MAGI1: variants seen among roughly 807,000 people sequenced by gnomAD.
MAGI1 encodes membrane-associated guanylate kinase, WW and PDZ domain-containing protein 1.
In MAGI1, 58 loss-of-function variants were observed where a neutral mutation model predicts 139.9. That is an observed-to-expected ratio of 0.41 (90% confidence interval 0.34 to 0.52). MAGI1 has a LOEUF of 0.52. Ranked by LOEUF, MAGI1 falls within the 20% of genes least tolerant of loss-of-function variation. The pLI is 0.12. For missense variants in MAGI1, 1,874 were observed against 1,901.6 expected (o/e 0.99, Z 0.27); for synonymous variants, 812 against 737.9 (o/e 1.10, Z -1.63).
chr3:65,467,102 AG>A (rs1179383578), intron 5 of MAGI1, among the ~76,000 whole-genome samples: 1 of 152,180 alleles, frequency 6.6e-6, no homozygotes, highest in Non-Finnish European at 1.5e-5. Context: ...CTCACCACCT[AG>A]TATTCCTTTG....
At chr3:65,526,450 C>T (rs181152543) in intron 2 of MAGI1, among the ~76,000 whole-genome samples, 1 of 152,304 alleles carries the variant, frequency 6.6e-6, no homozygotes, top group East Asian at 1.9e-4. Flanking sequence ...AGCAATTATG[C>T]TACCAAGCTG....
intron 1 of MAGI1, among the ~76,000 whole-genome samples, chr3:65,856,157 T>A (rs2059372613): frequency 6.6e-6 from 1 of 152,132 alleles, no homozygotes; most frequent in African/African-American, 2.4e-5. Context: ...ATATTTCGAT[T>A]TAAATAGTCA....
At chr3:65,734,470 AAAAG>A (rs1289157187) in intron 1 of MAGI1, among the ~76,000 whole-genome samples, 91 of 151,590 alleles carry the variant, frequency 6.0e-4, no homozygotes, top group African/African-American at 2.1e-3. Flanking sequence ...GAAAAAAAAA[AAAAG>A]AAAGAAGAGA....
At chr3:65,623,880 C>G (rs192716624) in intron 1 of MAGI1, among the ~76,000 whole-genome samples, 1 of 152,250 alleles carries the variant, frequency 6.6e-6, no homozygotes, top group African/African-American at 2.4e-5. Flanking sequence ...TCAAACCAAT[C>G]TTAGGTCATT....
At chr3:65,732,283 T>G (rs1233452128) in intron 1 of MAGI1, among the ~76,000 whole-genome samples, 3 of 152,168 alleles carry the variant, frequency 2.0e-5, no homozygotes, top group Non-Finnish European at 4.4e-5. Context: ...CTACTCTCAT[T>G]TACAAGACAT....
At chr3:65,852,321 C>G (rs2059232944) in intron 1 of MAGI1, among the ~76,000 whole-genome samples, 1 of 151,994 alleles carries the variant, frequency 6.6e-6, no homozygotes, top group African/African-American at 2.4e-5. Context: ...TTGAGCCTCC[C>G]CAGAAAGGAA....
At chr3:65,498,723 C>G (rs1399963086) in intron 2 of MAGI1, among the ~76,000 whole-genome samples, 1 of 152,186 alleles carries the variant, frequency 6.6e-6, no homozygotes, top group African/African-American at 2.4e-5. Context: ...CCATCACTGT[C>G]TGATGGAACC....
intron 1 of MAGI1, among the ~76,000 whole-genome samples, chr3:66,024,559 C>T (rs1011040057): frequency 1.3e-5 from 2 of 152,192 alleles, no homozygotes; most frequent in African/African-American, 4.8e-5. Context: ...GTAATCCCAG[C>T]ACTTTGGGAG....
chr3:65,536,271 C>T (rs1374806632), intron 2 of MAGI1, among the ~76,000 whole-genome samples: 3 of 152,110 alleles, frequency 2.0e-5, no homozygotes, highest in Non-Finnish European at 4.4e-5. Context: ...ATAATAACTC[C>T]TAGCATACTA....
At chr3:65,536,346 G>A (rs1349531798) in intron 2 of MAGI1, among the ~76,000 whole-genome samples, 1 of 152,070 alleles carries the variant, frequency 6.6e-6, no homozygotes, top group Admixed American at 6.6e-5. Context: ...GGGATAATAT[G>A]AATGAAAATA....
intron 1 of MAGI1, chr3:66,003,802 T>G (rs2107459801): frequency 6.6e-6 from 1 of 152,256 alleles, no homozygotes; most frequent in Admixed American, 6.5e-5. Flanking sequence ...ACTTGGTAAC[T>G]GTGTAGAGCA....
intron 21 of MAGI1, among the ~76,000 whole-genome samples, chr3:65,362,890 A>G (rs1231072423): frequency 6.6e-6 from 1 of 152,246 alleles, no homozygotes; most frequent in Non-Finnish European, 1.5e-5. Context: ...AGCGAAACAG[A>G]GCAGAGTGGA....
intron 3 of MAGI1, among the ~76,000 whole-genome samples, chr3:65,489,677 G>A (rs1168210486): frequency 1.3e-5 from 2 of 152,090 alleles, no homozygotes; most frequent in South Asian, 2.1e-4. Flanking sequence ...AACTGTATGC[G>A]GTAATGTGGA....
intron 1 of MAGI1, among the ~76,000 whole-genome samples, chr3:65,832,379 G>T (rs547284527): frequency 1.3e-5 from 2 of 152,258 alleles, no homozygotes; most frequent in African/African-American, 4.8e-5. Context: ...CACATGTAAT[G>T]AAACTGAACA....
intron 1 of MAGI1, among the ~76,000 whole-genome samples, chr3:65,797,856 G>A (rs1577157433): frequency 1.3e-5 from 2 of 152,294 alleles, no homozygotes; most frequent in East Asian, 1.9e-4. Context: ...TGTATGTTGG[G>A]AAGTTTTGTC....
At chr3:65,582,734 C>T (rs1374213408) in intron 2 of MAGI1, among the ~76,000 whole-genome samples, 1 of 152,124 alleles carries the variant, frequency 6.6e-6, no homozygotes, top group Non-Finnish European at 1.5e-5. Context: ...TGGAAGTCAC[C>T]TCAGCAGTCA....
At chr3:65,985,860 A>T (rs1325664903) in intron 1 of MAGI1, among the ~76,000 whole-genome samples, 1 of 152,338 alleles carries the variant, frequency 6.6e-6, no homozygotes, top group East Asian at 1.9e-4. Context: ...AGAAAACTGG[A>T]AATAGAAAAT....
chr3:65,369,181 C>A (rs1244108125), intron 18 of MAGI1, among the ~76,000 whole-genome samples: 1 of 152,144 alleles, frequency 6.6e-6, no homozygotes, highest in African/African-American at 2.4e-5. Context: ...AAGGTAAGGA[C>A]TCCCCCAACC....
chr3:65,413,119 C>A (rs553894578), intron 12 of MAGI1, among the ~76,000 whole-genome samples: 2 of 152,180 alleles, frequency 1.3e-5, no homozygotes, highest in East Asian at 3.9e-4. Context: ...TAGGGCAAAT[C>A]CATGAATCTC....
Sources: allele counts gnomAD v4.1 joint callset (sites outside exome capture counted in the v4.1 genomes callset), GRCh38; gene constraint gnomAD v4.1.1; transcripts MANE v1.5; gene names NCBI Gene and HGNC (gene_info 2026-07-23, HGNC 2026-07-21).